The following DDX60 variants were observed in gnomAD, a reference collection of about 807,000 sequenced individuals.
DDX60 encodes DExD/H-box helicase 60.
In DDX60, 165 loss-of-function variants were observed where a neutral mutation model predicts 212.8. The observed-to-expected ratio is 0.78, with a 90% CI of 0.68 to 0.88. The LOEUF (loss-of-function observed/expected upper bound fraction) is 0.88, where lower values mean the gene tolerates loss of function less well. DDX60 is among the 40% of genes least tolerant of loss of function. The probability of loss-of-function intolerance (pLI) is 0.00; values close to 1 mark genes in which losing one functional copy is unlikely to be tolerated. For missense variants in DDX60, 1,905 were observed against 2,003.9 expected, an observed-to-expected ratio of 0.95 and a Z score of 0.94; for synonymous variants, 703 against 685.3, an observed-to-expected ratio of 1.03 and a Z score of -0.40.
At position 168,285,510 on chromosome 4, in the gene DDX60, CAA is replaced by C; in HGVS notation, c.1340-14_1340-13del. 1 of 1,533,356 alleles carries C rather than the reference CAA, an allele frequency of 6.5e-7. No homozygotes were observed. The allele number at this position is 1,533,356 out of a possible 1,614,324, so 95.0% of individuals were successfully genotyped here. A position where few individuals can be genotyped will look rare whatever the true frequency, so the allele number is the denominator to read the frequency against. Reference sequence around the variant, plus strand: ...TTCATTGGAGCTGTCTGTAAACAAACAAAAAAAAATTGAGACAAGGTCAAATG... The same window carrying C: ...TTCATTGGAGCTGTCTGTAAACAAACAAAAAAATTGAGACAAGGTCAAATG... On this transcript the variant is annotated splice_polypyrimidine_tract_variant and intron_variant, in intron 10 of 37. Coordinates refer to ENST00000393743, the MANE Select transcript of DDX60 (RefSeq NM_017631.6).
intron 35 of DDX60, among the ~76,000 whole-genome samples, chr4:168,223,071 A>G (rs952415671): frequency 2.0e-5 from 3 of 152,118 alleles, no homozygotes; most frequent in Non-Finnish European, 4.4e-5. Flanking sequence ...ATTAATATAA[A>G]AAGGGATTTT....
rs147721895 is a variant in DDX60, at chr4:168,237,745, G to C, written c.4215C>G (p.Val1405=). 25 of 1,611,858 alleles carry C rather than the reference G, an allele frequency of 1.6e-5. No individual in the cohort carries two copies. The highest frequency in any genetic ancestry group is 2.0e-5 in the Non-Finnish European group (24 of 1,178,958). Residue 1405 remains valine (V), a synonymous_variant, in exon 31 of 38, where the codon GTC becomes GTG. Coordinates refer to ENST00000393743, the MANE Select transcript of DDX60 (RefSeq NM_017631.6). The part of the protein sequence containing the change: ...HSLLSFKQPR[V]MDMLKLYFLF... ...GGAAGTAAAGTTTTAACATGTCCATGACTCTGGGTTGCTTGAAGGACAGCA... is the reference window on the plus strand; with the variant it reads ...GGAAGTAAAGTTTTAACATGTCCATCACTCTGGGTTGCTTGAAGGACAGCA...
At chr4:168,313,546 C>A (rs998716673) in intron 1 of DDX60, among the ~76,000 whole-genome samples, 2 of 152,158 alleles carry the variant, frequency 1.3e-5, no homozygotes, top group Non-Finnish European at 2.9e-5. Flanking sequence ...TTCTTCAACT[C>A]TCCAAATTGT....
At chr4:168,221,983 A>C (rs1733068541) in intron 35 of DDX60, 102 bp from the exon 36 acceptor site, 2 of 1,226,170 alleles carry the variant, frequency 1.6e-6, no homozygotes, top group Non-Finnish European at 2.2e-6. Flanking sequence ...TACCATTTTT[A>C]AAGCCCACTC....
intron 1 of DDX60, 113 bp downstream of exon 1, chr4:168,318,509 C>G (rs889176386): frequency 1.3e-5 from 2 of 152,384 alleles, no homozygotes; most frequent in African/African-American, 4.8e-5. Context: ...TCCCGCGCCC[C>G]GAGCCCAGCA....
intron 21 of DDX60, 65 bp downstream of exon 21, chr4:168,267,776 C>T (rs575601): frequency 0.42 from 644,551 of 1,540,974 alleles, 137,250 homozygotes; most frequent in African/African-American, 0.66. Flanking sequence ...AAGATCAAGG[C>T]AATGGCAGAT....
chr4:168,243,232 C>A (rs1463409949), intron 30 of DDX60, among the ~76,000 whole-genome samples: 1 of 151,998 alleles, frequency 6.6e-6, no homozygotes, highest in African/African-American at 2.4e-5. Flanking sequence ...ATGAAAATGC[C>A]CAAAGCAATT....
At chr4:168,298,436 G>C (rs1376147040) in intron 6 of DDX60, among the ~76,000 whole-genome samples, 1 of 152,160 alleles carries the variant, frequency 6.6e-6, no homozygotes, top group Non-Finnish European at 1.5e-5. Flanking sequence ...GAGAGCAGAA[G>C]TTAGTATCTT....
chr4:168,292,438 A>G (rs1736151793), intron 7 of DDX60, among the ~76,000 whole-genome samples: 1 of 152,236 alleles, frequency 6.6e-6, no homozygotes, highest in African/African-American at 2.4e-5. Context: ...AGGTAAGTGG[A>G]ATGGGAAGCT....
chr4:168,287,706 G>C (rs534674166), intron 9 of DDX60, among the ~76,000 whole-genome samples: 12 of 151,596 alleles, frequency 7.9e-5, no homozygotes. Flanking sequence ...TGTTTTGTTC[G>C]GTTTTACTAT....
intron 22 of DDX60, among the ~76,000 whole-genome samples, chr4:168,264,115 G>C (rs549496064): frequency 1.3e-5 from 2 of 152,122 alleles, no homozygotes; most frequent in Non-Finnish European, 2.9e-5. Context: ...ATGATGTTTG[G>C]TAGAATGGAA....
intron 8 of DDX60, among the ~76,000 whole-genome samples, chr4:168,290,671 A>G (rs1736054700): frequency 6.6e-6 from 1 of 151,992 alleles, no homozygotes. Context: ...TCATTTCTTA[A>G]GAAACACCAT....
intron 33 of DDX60, among the ~76,000 whole-genome samples, chr4:168,229,770 T>A (rs1005814474): frequency 6.6e-6 from 1 of 152,010 alleles, no homozygotes; most frequent in Non-Finnish European, 1.5e-5. Context: ...CCTTAAAGCA[T>A]AAATCTCACA....
chr4:168,228,552 A>C (rs1348143690), intron 33 of DDX60, among the ~76,000 whole-genome samples: 2 of 152,028 alleles, frequency 1.3e-5, no homozygotes. Flanking sequence ...CAGAGATTAT[A>C]AGATATAGCT....
chr4:168,288,485 A>T (rs1735958146), intron 8 of DDX60, among the ~76,000 whole-genome samples, 170 bp from the exon 9 acceptor site: 1 of 152,220 alleles, frequency 6.6e-6, no homozygotes, highest in Non-Finnish European at 1.5e-5. Flanking sequence ...TAAGGAATTA[A>T]AGCATAAAAT....
intron 25 of DDX60, among the ~76,000 whole-genome samples, chr4:168,256,093 A>ACCCCCCCCCCCC (rs1734400269): frequency 2.7e-5 from 1 of 37,248 alleles, no homozygotes; most frequent in African/African-American, 9.9e-5. Context: ...CTCCCTCCCC[A>ACCCCCCCCCCCC]CTCCCCCCCA....
Position 168,248,267 on chromosome 4 carries a change from G to A in DDX60, c.3884C>T (p.Ala1295Val). Residue 1295 changes from alanine to valine, a missense_variant, in exon 29 of 38, where the codon GCT (alanine) becomes GTT (valine). By Grantham distance (64) the Ala-to-Val change is moderately conservative. Transcript: ENST00000393743. Reference protein sequence around the residue: ...LRVVTATGTLALGVNMPCKSV... With the variant: ...LRVVTATGTLVLGVNMPCKSV... ...TTTACAAGGCATGTTGACACCTAAA[G>A]CAAGTGTTCCAGTAGCTGTCACCAC... 1 of 1,608,808 alleles carries A rather than the reference G, an allele frequency of 6.2e-7. No individual in the cohort carries two copies. Among genetic ancestry groups the A allele is most frequent in the Non-Finnish European group, 8.5e-7 (1 of 1,178,034 alleles).
chr4:168,225,421 G>T, intron 34 of DDX60, 108 bp downstream of exon 34: 1 of 1,200,952 alleles, frequency 8.3e-7, no homozygotes, highest in African/African-American at 1.6e-5. Flanking sequence ...CCTCACTTGA[G>T]GGCAAAATAA....
At position 168,224,304 on chromosome 4, in the gene DDX60, G is replaced by C. The variant is rs1733171593; in HGVS notation, c.4763C>G (p.Pro1588Arg). The part of the protein sequence containing the change: ...SCKEGRVAIS[P>R]FVCLSGNFDD... ...AAAGTTCCCAGACAGACAAACAAAT[G>C]GTGAAATTGCTACTCTTCCTTCCTT... Residue 1588 changes from proline (P) to arginine (R), a missense_variant, in exon 35 of 38, where the codon CCA becomes CGA. Coordinates refer to ENST00000393743, the MANE Select transcript of DDX60 (RefSeq NM_017631.6). The C allele has an allele frequency of 6.2e-7, 1 of 1,612,418 alleles. No individual in the cohort carries two copies.
Sources: allele counts gnomAD v4.1 joint callset (sites outside exome capture counted in the v4.1 genomes callset), GRCh38; gene constraint gnomAD v4.1.1; transcripts MANE v1.5; gene names NCBI Gene and HGNC (gene_info 2026-07-23, HGNC 2026-07-21).